The following ZNF292 variants were observed in gnomAD, a reference collection of about 807,000 sequenced individuals.
ZNF292 encodes 16 zinc-finger domain protein.
Under a neutral mutation model 217.9 loss-of-function variants are expected in ZNF292, and 26 were observed. The observed-to-expected ratio is 0.12, with a 90% CI of 0.09 to 0.17. The LOEUF (loss-of-function observed/expected upper bound fraction) is 0.17, where lower values mean the gene tolerates loss of function less well. Ranked by LOEUF, ZNF292 falls within the 10% of genes least tolerant of loss-of-function variation. The probability of loss-of-function intolerance (pLI) is 1.00; values close to 1 mark genes in which losing one functional copy is unlikely to be tolerated. For synonymous variants in ZNF292, 1,257 were observed against 1,124.1 expected (o/e 1.12, Z -2.37); for missense variants, 2,904 against 3,175.2 (o/e 0.91, Z 2.05).
At position 87,259,200 on chromosome 6, in the gene ZNF292, A is replaced by C. The variant is rs963088573; in HGVS notation, c.5571A>C (p.Ala1857=). ...LKLENDLSTP[A]SQCVLINTSV... is the part of the protein sequence containing the mutation. ...TAGAAAATGACCTATCCACTCCAGC[A>C]TCCCAATGTGTACTGATAAATACAT... Residue 1857 remains alanine (A), a synonymous_variant, in exon 8 of 8, where the codon GCA becomes GCC. Coordinates refer to ENST00000369577, the MANE Select transcript of ZNF292 (RefSeq NM_015021.3). The C allele has an allele frequency of 1.9e-6, 3 of 1,613,616 alleles. No homozygotes were observed. Among genetic ancestry groups the C allele is most frequent in the African/African-American group, 2.7e-5 (2 of 74,922 alleles).
At position 87,259,753 on chromosome 6, in the gene ZNF292, A is replaced by G. The variant is rs1276702551; in HGVS notation, c.6124A>G (p.Lys2042Glu). Residue 2042 changes from lysine to glutamate, a missense_variant, in exon 8 of 8, where the codon AAA becomes GAA. Physicochemically the swap from Lys to Glu is moderately conservative, Grantham distance 56 (BLOSUM62 1). Transcript: ENST00000369577. ...THSNVAVIPEKQLVEKKSPDK... is the reference protein window; with the variant it reads ...THSNVAVIPEEQLVEKKSPDK... Reference sequence around the variant, plus strand: ...CAGTAATGTAGCAGTGATCCCAGAAAAACAACTTGTAGAAAAAAAAAGTCC... The same window carrying G: ...CAGTAATGTAGCAGTGATCCCAGAAGAACAACTTGTAGAAAAAAAAAGTCC... 2.5e-6 allele frequency: 4 copies of G among 1,603,504 alleles called. No individual in the cohort carries two copies. Among genetic ancestry groups the G allele is most frequent in the Admixed American group, 1.7e-5 (1 of 58,106 alleles).
At position 87,255,932 on chromosome 6, in the gene ZNF292, T is replaced by C; in HGVS notation, c.2303T>C (p.Leu768Ser). ...GGTTTTAATAGTTACGCCGAGCTTT[T>C]AACCCACCGAAAGGAGCATCAAGTC... ...KAGFNSYAEL[L>S]THRKEHQVFR... The change falls in exon 8 of 8, where the codon TTA becomes TCA. Residue 768 changes from leucine (L) to serine (S), a missense_variant. Transcript: ENST00000369577. The C allele has an allele frequency of 6.2e-7, 1 of 1,613,476 alleles. No individual in the cohort carries two copies. Among genetic ancestry groups the C allele is most frequent in the Non-Finnish European group, 8.5e-7 (1 of 1,179,672 alleles).
intron 1 of ZNF292, among the ~76,000 whole-genome samples, chr6:87,166,595 C>A (rs1770924288): frequency 6.6e-6 from 1 of 152,164 alleles, no homozygotes; most frequent in Admixed American, 6.5e-5. Context: ...TCCAAGTATA[C>A]CCTTCTCTGG....
At chr6:87,158,001 G>A (rs888893306) in intron 1 of ZNF292, among the ~76,000 whole-genome samples, 4 of 152,122 alleles carry the variant, frequency 2.6e-5, no homozygotes, top group African/African-American at 9.7e-5. Flanking sequence ...TGTGAGCACC[G>A]CGTCCCGCCA....
intron 1 of ZNF292, among the ~76,000 whole-genome samples, chr6:87,175,254 T>C (rs746606905): frequency 1.6e-4 from 24 of 152,232 alleles, no homozygotes; most frequent in Non-Finnish European, 2.5e-4. Context: ...CTCATCGTTA[T>C]TGCCAGACTT....
intron 4 of ZNF292, among the ~76,000 whole-genome samples, chr6:87,229,333 A>G (rs1024713749): frequency 1.3e-5 from 2 of 152,180 alleles, no homozygotes; most frequent in African/African-American, 4.8e-5. Context: ...GGCTTTCTAC[A>G]TACAAGATCA....
chr6:87,188,695 T>G (rs1771733433), intron 1 of ZNF292, among the ~76,000 whole-genome samples: 1 of 149,330 alleles, frequency 6.7e-6, no homozygotes, highest in South Asian at 2.1e-4. Context: ...CTGCATTGTA[T>G]TAATATATAG....
At chr6:87,245,699 A>C (rs1774537841) in intron 7 of ZNF292, 55 bp downstream of exon 7, 1 of 1,160,430 alleles carries the variant, frequency 8.6e-7, no homozygotes, top group Non-Finnish European at 1.2e-6. Context: ...TCATTAATAA[A>C]AGACTATAAC....
chr6:87,197,503 G>A (rs1771984654), intron 1 of ZNF292, among the ~76,000 whole-genome samples: 1 of 151,330 alleles, frequency 6.6e-6, no homozygotes, highest in Non-Finnish European at 1.5e-5. Flanking sequence ...GGGAGGCCAA[G>A]GCGGGTGGAT....
intron 4 of ZNF292, among the ~76,000 whole-genome samples, chr6:87,224,740 A>AT (rs752729427): frequency 4.6e-5 from 7 of 152,190 alleles, no homozygotes; most frequent in Non-Finnish European, 1.0e-4. Flanking sequence ...GTGAATGGCT[A>AT]AACAAACTGT....
chr6:87,173,698 T>G (rs748012038), intron 1 of ZNF292: 1 of 152,326 alleles, frequency 6.6e-6, no homozygotes, highest in South Asian at 2.1e-4. Flanking sequence ...TTCAAAAGCT[T>G]CTTCAGTGCT....
chr6:87,230,945 A>G (rs952369696), intron 4 of ZNF292, among the ~76,000 whole-genome samples: 6 of 152,200 alleles, frequency 3.9e-5, no homozygotes, highest in African/African-American at 1.4e-4. Flanking sequence ...GAGTAAAATT[A>G]TAAATATTTT....
intron 4 of ZNF292, among the ~76,000 whole-genome samples, chr6:87,225,259 A>G (rs2127813672): frequency 6.6e-6 from 1 of 152,242 alleles, no homozygotes; most frequent in Admixed American, 6.5e-5. Flanking sequence ...TTTGGGTACA[A>G]GTTCTTTTTC....
intron 5 of ZNF292, among the ~76,000 whole-genome samples, chr6:87,237,532 G>A (rs999108624): frequency 2.0e-5 from 3 of 152,134 alleles, no homozygotes; most frequent in Non-Finnish European, 2.9e-5. Context: ...GTGAGCCACC[G>A]CACCCAACTG....
At chr6:87,201,309 C>T (rs373067705) in intron 1 of ZNF292, among the ~76,000 whole-genome samples, 4 of 152,244 alleles carry the variant, frequency 2.6e-5, no homozygotes, top group African/African-American at 9.6e-5. Flanking sequence ...TTATTATCTT[C>T]CATTATGATG....
rs1462827711 is a variant in ZNF292 at position 87,262,848 on chromosome 6, G to A, written c.*1047G>A. 1 of 151,934 alleles carries A rather than the reference G, an allele frequency of 6.6e-6. No individual in the cohort carries two copies. The highest frequency in any genetic ancestry group is 2.4e-5 in the African/African-American group (1 of 41,416). 9.4% of individuals were successfully genotyped at this position (151,934 alleles called of 1,614,324 possible). A position where few individuals can be genotyped will look rare whatever the true frequency, so the allele number is the denominator to read the frequency against. ...TAAACTGTATAAAGTTTTGTGGAAA[G>A]ATTTTTTTAAACATTTTTATAAATC... On this transcript the variant is annotated 3_prime_UTR_variant, in exon 8 of 8. Transcript: ENST00000369577.
intron 1 of ZNF292, among the ~76,000 whole-genome samples, chr6:87,200,024 C>T (rs1342843091): frequency 3.9e-5 from 6 of 152,142 alleles, no homozygotes; most frequent in East Asian, 3.9e-4. Flanking sequence ...GATTGAGGCT[C>T]GTGCTATAAT....
chr6:87,194,529 TA>T (rs1771903431), intron 1 of ZNF292, among the ~76,000 whole-genome samples: 1 of 152,132 alleles, frequency 6.6e-6, no homozygotes, highest in Non-Finnish European at 1.5e-5. Flanking sequence ...ACCATGGATC[TA>T]GGGGGGAGGA....
At chr6:87,159,441 C>T (rs1264573909) in intron 1 of ZNF292, among the ~76,000 whole-genome samples, 1 of 150,048 alleles carries the variant, frequency 6.7e-6, no homozygotes, top group Middle Eastern at 3.2e-3. Context: ...TAGCACACTA[C>T]AACCTCAAAC....
Sources: allele counts gnomAD v4.1 joint callset (sites outside exome capture counted in the v4.1 genomes callset), GRCh38; gene constraint gnomAD v4.1.1; transcripts MANE v1.5; gene names NCBI Gene and HGNC (gene_info 2026-07-23, HGNC 2026-07-21).